The following MYSM1 variants were observed in gnomAD, a reference collection of about 807,000 sequenced individuals.
The protein encoded by MYSM1 is deubiquitinase MYSM1.
In MYSM1, 51 loss-of-function variants were observed where a neutral mutation model predicts 116.0. The observed-to-expected ratio is 0.44, with a 90% CI of 0.35 to 0.56. The LOEUF (loss-of-function observed/expected upper bound fraction) is 0.56, where lower values mean the gene tolerates loss of function less well. MYSM1 is among the 20% of genes least tolerant of loss of function. MYSM1 has a pLI of 0.00. For synonymous variants in MYSM1, 313 were observed against 315.2 expected, an observed-to-expected ratio of 0.99 and a Z score of 0.07; for missense variants, 900 against 974.9, an observed-to-expected ratio of 0.92 and a Z score of 1.02.
intron 16 of MYSM1, among the ~76,000 whole-genome samples, chr1:58,665,953 A>G (rs1188501081): frequency 6.6e-6 from 1 of 152,104 alleles, no homozygotes; most frequent in African/African-American, 2.4e-5. Context: ...GCTACTCAGG[A>G]GGCTGAGGCA....
intron 2 of MYSM1, among the ~76,000 whole-genome samples, chr1:58,694,483 G>A (rs750147325): frequency 6.6e-6 from 1 of 151,952 alleles, no homozygotes; most frequent in Non-Finnish European, 1.5e-5. Flanking sequence ...TAGCTGGGCG[G>A]GGTGGCACAC....
intron 2 of MYSM1, among the ~76,000 whole-genome samples, chr1:58,694,667 C>A (rs1269560532): frequency 4.6e-5 from 7 of 151,808 alleles, no homozygotes; most frequent in Non-Finnish European, 8.8e-5. Context: ...CTGTGACAAT[C>A]CCATTTTTTT....
intron 11 of MYSM1, 35 bp from the exon 12 acceptor site, chr1:58,671,993 CA>C: frequency 6.5e-7 from 1 of 1,527,544 alleles, no homozygotes; most frequent in Non-Finnish European, 9.1e-7. Flanking sequence ...AGGAGTCCAT[CA>C]TCTACTAAGA....
chr1:58,681,461 C>T (rs561936313), intron 8 of MYSM1, among the ~76,000 whole-genome samples: 8 of 152,142 alleles, frequency 5.3e-5, no homozygotes, highest in Admixed American at 2.0e-4. Flanking sequence ...CATGATAAAC[C>T]GGAAAGAATT....
In MYSM1 at chr1:58,695,171, A is replaced by C; in HGVS notation, c.105T>G (p.Asp35Glu). The C allele has an allele frequency of 6.2e-7, 1 of 1,605,632 alleles. No individual in the cohort carries two copies. Among genetic ancestry groups the C allele is most frequent in the Middle Eastern group, 1.7e-4 (1 of 6,044 alleles). The change falls in exon 2 of 20, where the codon GAT becomes GAG. Residue 35 changes from aspartate to glutamate, a missense_variant. Physicochemically the swap from Asp to Glu is conservative, Grantham distance 45 (BLOSUM62 2). This residue lies in a region of MYSM1 where 622 missense variants were observed against 623.7 expected (regional missense o/e 1.00). Coordinates refer to ENST00000472487, the MANE Select transcript of MYSM1 (RefSeq NM_001085487.3). ...TTCTCCAAGATGAATCAAGATAGTG[A>C]TCTTTTTGTAAAACTGATGCTGTAT... The part of the protein sequence containing the change: ...GENTASVLQK[D>E]HYLDSSWRTE...
chr1:58,688,149 T>C (rs1644855526), intron 6 of MYSM1, among the ~76,000 whole-genome samples: 1 of 151,770 alleles, frequency 6.6e-6, no homozygotes, highest in African/African-American at 2.4e-5. Context: ...CTTGAAGAGA[T>C]AAAAACCTCA....
chr1:58,683,002 A>T lies in MYSM1; in HGVS notation c.499-457T>A, dbSNP rs577661469. On this transcript the variant is annotated intron_variant, in intron 7 of 19. Transcript: ENST00000472487. The stretch of plus-strand genomic sequence containing the variant: ...TGTGTTTTTCTTTAAAGGGTTTATA[A>T]TAACTGCATTTTAGACAAGATTGGG... Among the ~76,000 whole-genome samples the T allele has an allele frequency of 7.9e-5, 12 of 152,300 alleles. No homozygotes were observed. In the South Asian group the frequency reaches 2.5e-3, roughly 32 times the overall value.
chr1:58,695,147 T>C lies in MYSM1; in HGVS notation c.129A>G (p.Arg43=), dbSNP rs1644956628. Residue 43 remains arginine (R), a synonymous_variant, in exon 2 of 20, where the codon AGA becomes AGG. Coordinates refer to ENST00000472487, the MANE Select transcript of MYSM1 (RefSeq NM_001085487.3). ...TACTTACAATAAGGCCATTCTCTGT[T>C]CTCCAAGATGAATCAAGATAGTGAT... ...QKDHYLDSSW[R]TENGLIPWTL... 1.2e-6 allele frequency: 2 copies of C among 1,603,662 alleles called. No homozygotes were observed. The highest frequency in any genetic ancestry group is 1.7e-6 in the Non-Finnish European group (2 of 1,171,032).
At chr1:58,664,030 A>G (rs144896565) in intron 17 of MYSM1, among the ~76,000 whole-genome samples, 25 of 152,282 alleles carry the variant, frequency 1.6e-4, no homozygotes, top group African/African-American at 4.8e-4. Context: ...TGGTAGTTTC[A>G]GACAAGTTCT....
intron 3 of MYSM1, among the ~76,000 whole-genome samples, chr1:58,692,143 ACC>A (rs1349842994): frequency 6.6e-6 from 1 of 152,204 alleles, no homozygotes; most frequent in Non-Finnish European, 1.5e-5. Context: ...AATGGGGTTA[ACC>A]TATGATAATT....
chr1:58,687,093 C>A (rs1174537789), intron 6 of MYSM1, among the ~76,000 whole-genome samples: 1 of 151,992 alleles, frequency 6.6e-6, no homozygotes, highest in East Asian at 1.9e-4. Context: ...TCAGTACCAC[C>A]CAAGTCCCTA....
intron 2 of MYSM1, among the ~76,000 whole-genome samples, chr1:58,694,296 C>T (rs1344203478): frequency 6.6e-6 from 1 of 152,164 alleles, no homozygotes; most frequent in Non-Finnish European, 1.5e-5. Flanking sequence ...CAAGCCTGAC[C>T]TACTGACTGG....
chr1:58,684,365 A>C (rs1388126021), intron 7 of MYSM1, among the ~76,000 whole-genome samples: 4 of 151,996 alleles, frequency 2.6e-5, no homozygotes, highest in South Asian at 4.1e-4. Context: ...GGAGATCCAG[A>C]CCATCCTGGC....
At chr1:58,682,680 CTTTTCTTTTTTTTCT>C in intron 7 of MYSM1, 135 bp from the exon 8 acceptor site, 1 of 313,068 alleles carries the variant, frequency 3.2e-6, no homozygotes, top group East Asian at 7.9e-5. Flanking sequence ...CTCTAATGCG[CTTTTCTTTTTTTTCT>C]TTTCTTTTTT....
At chr1:58,679,663 T>C (rs914109516) in intron 8 of MYSM1, among the ~76,000 whole-genome samples, 1 of 152,164 alleles carries the variant, frequency 6.6e-6, no homozygotes, top group Admixed American at 6.5e-5. Flanking sequence ...CTTGCTATGT[T>C]GCCCAAACTA....
chr1:58,669,229 A>C lies in MYSM1; in HGVS notation c.1662-191T>G, dbSNP rs1409818588. Among the ~76,000 whole-genome samples the C allele has an allele frequency of 4.0e-5, 6 of 149,984 alleles. No individual in the cohort carries two copies. In the South Asian group the frequency reaches 6.3e-4, roughly 16 times the overall value. On this transcript the variant is annotated intron_variant, in intron 12 of 19. Coordinates refer to ENST00000472487, the MANE Select transcript of MYSM1 (RefSeq NM_001085487.3). Reference sequence around the variant, plus strand: ...TAGATTTAACAAGAACAAAAAAAAAACCCAGGAACTTTGAGATAAAGTTGC... The same window carrying C: ...TAGATTTAACAAGAACAAAAAAAAACCCCAGGAACTTTGAGATAAAGTTGC...
chr1:58,685,291 A>G, intron 6 of MYSM1, 40 bp from the exon 7 acceptor site: 2 of 1,454,678 alleles, frequency 1.4e-6, no homozygotes, highest in Non-Finnish European at 1.9e-6. Flanking sequence ...CTTTTGATGA[A>G]TTTACTTAAG....
chr1:58,673,775 T>C (rs767022652), intron 10 of MYSM1, 125 bp from the exon 11 acceptor site: 26 of 767,198 alleles, frequency 3.4e-5, no homozygotes, highest in Non-Finnish European at 5.3e-5. Flanking sequence ...TTAAATAGTA[T>C]AACCTCTGGC....
At chr1:58,672,132 A>C (rs76041182) in intron 11 of MYSM1, among the ~76,000 whole-genome samples, 174 bp from the exon 12 acceptor site, 3,456 of 152,270 alleles carry the variant, frequency 0.023, 129 homozygotes, top group African/African-American at 0.08. Context: ...TTTTTAAAAA[A>C]TTGTTTCAAA....
Sources: gnomAD v4.1 joint callset for allele counts (sites outside exome capture counted in the v4.1 genomes callset) on GRCh38, gnomAD v4.1.1 for gene constraint, gnomAD v4.1.1 regional missense constraint, MANE v1.5 for transcripts, NCBI Gene and HGNC (gene_info 2026-07-23, HGNC 2026-07-21) for gene names.